SMARCC2: variants seen among roughly 807,000 people sequenced by gnomAD.
The protein encoded by SMARCC2 is SWI/SNF related BAF chromatin remodeling complex subunit C2.
SMARCC2 carries 15 observed loss-of-function variants against 151.3 expected under a neutral mutation model. That is an observed-to-expected ratio of 0.10 (90% CI 0.07 to 0.15). The LOEUF (loss-of-function observed/expected upper bound fraction) is 0.15. SMARCC2 is among the 10% of genes least tolerant of loss of function. The pLI, the probability that SMARCC2 is intolerant of heterozygous loss-of-function variation, is 1.00. For synonymous variants in SMARCC2, 590 were observed against 609.5 expected, an observed-to-expected ratio of 0.97 and a Z score of 0.47; for missense variants, 1,031 against 1,599.7, an observed-to-expected ratio of 0.64 and a Z score of 6.06.
intron 15 of SMARCC2, among the ~76,000 whole-genome samples, chr12:56,177,300 A>AGTGGTGTGATCATGGCTCACT (rs1875220494): frequency 6.6e-6 from 1 of 152,150 alleles, no homozygotes; most frequent in African/African-American, 2.4e-5. Flanking sequence ...GCTGGAGAGC[A>AGTGGTGTGATCATGGCTCACT]GTGGTGTGAT....
intron 5 of SMARCC2, chr12:56,184,595 A>G: frequency 1.8e-6 from 1 of 551,544 alleles, no homozygotes; most frequent in East Asian, 3.1e-5. Flanking sequence ...CTAGCTCAGT[A>G]GAAGTGGATA....
rs1382356294 is a variant in SMARCC2, at chr12:56,189,474, G to C, written c.-13C>G. 2.8e-6 allele frequency: 4 copies of C among 1,451,998 alleles called. No individual in the cohort carries two copies. The highest frequency in any genetic ancestry group is 2.8e-6 in the Non-Finnish European group (3 of 1,084,294). The allele number at this position is 1,451,998 out of a possible 1,614,324, so 89.9% of individuals were successfully genotyped here. The stretch of plus-strand genomic sequence containing the variant: ...TCCGCACCGCCATCTTCTCCGGCTC[G>C]GGCCCCGCCGCCGCCCGCCCCACTC... On this transcript the variant is annotated 5_prime_UTR_variant, in exon 1 of 29. Transcript: ENST00000550164.
intron 3 of SMARCC2, 91 bp downstream of exon 3, chr12:56,186,064 C>A: frequency 2.1e-6 from 2 of 956,950 alleles, no homozygotes; most frequent in Non-Finnish European, 3.3e-6. Flanking sequence ...AAGAGACTCA[C>A]AAGAATTTCT....
intron 14 of SMARCC2, 50 bp from the exon 15 acceptor site, chr12:56,178,143 G>A: frequency 1.3e-6 from 2 of 1,489,214 alleles, no homozygotes; most frequent in Non-Finnish European, 1.8e-6. Context: ...GTGAAGGGAT[G>A]GGGGCCCCAA....
rs1490079778 is a variant in SMARCC2 at position 56,178,457 on chromosome 12, T to C, written c.1257A>G (p.Glu419=). 14 of 1,614,088 alleles carry C rather than the reference T, an allele frequency of 8.7e-6. No homozygotes were observed. The East Asian group carries it at 1.6e-4, about 18-fold the overall frequency. The part of the protein sequence containing the change: ...NPDLHEDNVT[E]QTHHIIIPSY... Reference sequence around the variant, plus strand: ...TGGGAATGATGATGTGGTGGGTCTGTTCAGTCACATTGTCCTCATGCAGGT... The same window carrying C: ...TGGGAATGATGATGTGGTGGGTCTGCTCAGTCACATTGTCCTCATGCAGGT... Residue 419 remains glutamate (E), a synonymous_variant, in exon 14 of 29, where the codon GAA becomes GAG. Coordinates refer to ENST00000550164, the MANE Select transcript of SMARCC2 (RefSeq NM_001330288.2).
chr12:56,168,635 A>G (rs959610326), intron 25 of SMARCC2, among the ~76,000 whole-genome samples: 2 of 151,832 alleles, frequency 1.3e-5, no homozygotes, highest in African/African-American at 4.8e-5. Context: ...CAGCCTCCCA[A>G]AGTCCTGGGA....
intron 26 of SMARCC2, among the ~76,000 whole-genome samples, chr12:56,167,733 G>A (rs993180554): frequency 6.6e-6 from 1 of 152,070 alleles, no homozygotes; most frequent in African/African-American, 2.4e-5. Context: ...GCCTCATGGA[G>A]CTGACCTTCT....
Position 56,164,311 on chromosome 12 carries a change from G to T in SMARCC2, c.3653C>A (p.Pro1218Gln), listed in dbSNP as rs1872355343. 2 of 1,612,618 alleles carry T rather than the reference G, an allele frequency of 1.2e-6. No homozygotes were observed. The highest frequency in any genetic ancestry group is 1.7e-6 in the Non-Finnish European group (2 of 1,179,854). The change falls in exon 28 of 29, where the codon CCA becomes CAA. Residue 1218 changes from proline to glutamine, a missense_variant. Pro to Gln is a moderately conservative substitution (Grantham distance 76). Coordinates refer to ENST00000550164, the MANE Select transcript of SMARCC2 (RefSeq NM_001330288.2). ...TCTTGGCCCCTTCTCACCTGGCAGT[G>T]GGCTGGCACTGGGCAGGAGGTTGCC... Reference protein sequence around the residue: ...VQGNLLPSASPLPDPGTPLPP... With the variant: ...VQGNLLPSASQLPDPGTPLPP...
At chr12:56,178,589 C>A (rs1334309974) in intron 13 of SMARCC2, 55 bp from the exon 14 acceptor site, 1 of 1,612,334 alleles carries the variant, frequency 6.2e-7, no homozygotes, top group Non-Finnish European at 8.5e-7. Flanking sequence ...CCCTAGCAAC[C>A]CTCTGCTTCT....
In SMARCC2 at chr12:56,186,655, G is replaced by C. The variant is rs185357993; in HGVS notation, c.232-415C>G. ...GTGAGCCACCACGCCCGGCCTCAAAGCTGAAATTCTTTAACCCTTGTGCCA... is the reference window on the plus strand; with the variant it reads ...GTGAGCCACCACGCCCGGCCTCAAACCTGAAATTCTTTAACCCTTGTGCCA... On this transcript the variant is annotated intron_variant, in intron 2 of 28. Transcript: ENST00000550164. 1.8e-3 allele frequency: 385 copies of C among 208,370 alleles called. 4 individuals are homozygous for C. The highest frequency in any genetic ancestry group is 8.6e-3 in the African/African-American group (366 of 42,314). The allele number at this position is 208,370 out of a possible 1,614,324, so 12.9% of individuals were successfully genotyped here.
At chr12:56,182,128 G>A in intron 7 of SMARCC2, 49 bp from the exon 8 acceptor site, 2 of 1,361,114 alleles carry the variant, frequency 1.5e-6, no homozygotes, top group African/African-American at 1.4e-5. Flanking sequence ...ATAGAATTGT[G>A]GAAAAGTAAA....
chr12:56,173,670 C>T (rs1428170108), intron 17 of SMARCC2, 26 bp downstream of exon 17: 2 of 1,585,122 alleles, frequency 1.3e-6, no homozygotes, highest in African/African-American at 1.4e-5. Flanking sequence ...CCCAACCCGC[C>T]CCATCCCCAT....
Position 56,178,975 on chromosome 12 carries a change from G to A in SMARCC2, c.1141+22C>T, listed in dbSNP as rs1305424864. The A allele has an allele frequency of 1.1e-5, 17 of 1,613,250 alleles. No individual in the cohort carries two copies. The highest frequency in any genetic ancestry group is 1.7e-4 in the Middle Eastern group (1 of 6,056). ...CCCTTCCCTTGGCTCTGACTGCCGT[G>A]CCCAAGAGGCTCCTGTCTTACCCAG... is the stretch of plus-strand genomic sequence containing the variant. On this transcript the variant is annotated intron_variant, in intron 12 of 28. Coordinates refer to ENST00000550164, the MANE Select transcript of SMARCC2 (RefSeq NM_001330288.2).
chr12:56,185,152 G>T (rs373198653), intron 3 of SMARCC2, 41 bp from the exon 4 acceptor site: 21 of 1,519,484 alleles, frequency 1.4e-5, no homozygotes, highest in Non-Finnish European at 1.7e-5. Context: ...TATAGCTCAG[G>T]TCTGCAGATG....
At chr12:56,173,219 T>C (rs1390331487) in intron 17 of SMARCC2, among the ~76,000 whole-genome samples, 190 bp from the exon 18 acceptor site, 2 of 152,216 alleles carry the variant, frequency 1.3e-5, no homozygotes, top group East Asian at 1.9e-4. Context: ...ATTATCTTTA[T>C]AGGTTCTCTT....
chr12:56,168,346 T>C, intron 25 of SMARCC2, 152 bp from the exon 26 acceptor site: 1 of 796,128 alleles, frequency 1.3e-6, no homozygotes, highest in Non-Finnish European at 2.0e-6. Context: ...GTGCTGGGAT[T>C]ATAGGCGTGA....
At chr12:56,169,508 G>A in intron 25 of SMARCC2, 21 bp downstream of exon 25, 1 of 1,611,824 alleles carries the variant, frequency 6.2e-7, no homozygotes, top group Admixed American at 1.7e-5. Context: ...CTTCCCTGAG[G>A]TCTTCAAGGT....
intron 12 of SMARCC2, 57 bp from the exon 13 acceptor site, chr12:56,178,904 T>A (rs563725985): frequency 6.2e-7 from 1 of 1,604,522 alleles, no homozygotes; most frequent in East Asian, 2.2e-5. Flanking sequence ...AAGAAAGCCC[T>A]ACCAAAAGCC....
intron 14 of SMARCC2, 139 bp from the exon 15 acceptor site, chr12:56,178,232 C>A (rs570561849): frequency 2.2e-6 from 2 of 919,970 alleles, no homozygotes; most frequent in Non-Finnish European, 3.4e-6. Context: ...GAACATCCCA[C>A]AGGCTGTAAG....
Sources: gnomAD v4.1 joint callset for allele counts (sites outside exome capture counted in the v4.1 genomes callset) on GRCh38, gnomAD v4.1.1 for gene constraint, MANE v1.5 for transcripts, NCBI Gene and HGNC (gene_info 2026-07-23, HGNC 2026-07-21) for gene names.